Variants in MAN1A1 observed in about 807,000 individuals in gnomAD.
MAN1A1 encodes mannosidase alpha class 1A member 1.
In MAN1A1, 29 loss-of-function variants were observed where a neutral mutation model predicts 70.8. The ratio of observed to expected loss-of-function variants is 0.41; its 90% CI spans 0.31 to 0.56. The LOEUF (loss-of-function observed/expected upper bound fraction) is 0.56. MAN1A1 is among the 20% of genes least tolerant of loss of function. MAN1A1 has a pLI of 0.29. For missense variants in MAN1A1, 747 were observed against 841.3 expected (o/e 0.89, Z 1.39); for synonymous variants, 349 against 330.1 (o/e 1.06, Z -0.62).
intron 11 of MAN1A1, among the ~76,000 whole-genome samples, chr6:119,187,287 A>T (rs1307198570): frequency 6.6e-6 from 1 of 152,236 alleles, no homozygotes; most frequent in African/African-American, 2.4e-5. Flanking sequence ...AAAATATTCA[A>T]TTCATTTGCT....
At chr6:119,265,093 CT>C (rs1018859486) in intron 5 of MAN1A1, among the ~76,000 whole-genome samples, 5 of 106,918 alleles carry the variant, frequency 4.7e-5, no homozygotes, top group South Asian at 6.3e-4. Flanking sequence ...TTTTAAGTGC[CT>C]TTTTTAAATT....
intron 6 of MAN1A1, among the ~76,000 whole-genome samples, chr6:119,216,596 T>G (rs1218758172): frequency 6.6e-6 from 1 of 152,214 alleles, no homozygotes; most frequent in Non-Finnish European, 1.5e-5. Context: ...CACCCACAAT[T>G]ACAAGGAAAA....
At chr6:119,339,092 T>C (rs1582816746) in intron 2 of MAN1A1, among the ~76,000 whole-genome samples, 1 of 152,282 alleles carries the variant, frequency 6.6e-6, no homozygotes, top group East Asian at 1.9e-4. Context: ...GGAGAAAGTG[T>C]TGATCAAAGA....
chr6:119,336,273 T>C (rs531787330), intron 2 of MAN1A1, among the ~76,000 whole-genome samples: 3 of 152,192 alleles, frequency 2.0e-5, no homozygotes, highest in African/African-American at 7.2e-5. Flanking sequence ...TTTTACCACG[T>C]TGGCCAGGCT....
At chr6:119,258,677 A>T (rs1388652707) in intron 5 of MAN1A1, among the ~76,000 whole-genome samples, 1 of 152,134 alleles carries the variant, frequency 6.6e-6, no homozygotes, top group Non-Finnish European at 1.5e-5. Flanking sequence ...ACACTAGTGA[A>T]TTTTTTTCCT....
chr6:119,322,666 G>A (rs577310817), intron 2 of MAN1A1, among the ~76,000 whole-genome samples: 2 of 152,252 alleles, frequency 1.3e-5, no homozygotes, highest in East Asian at 3.9e-4. Flanking sequence ...CTCTTCCCCA[G>A]TGTTTAATCC....
At chr6:119,223,405 G>C (rs910061415) in intron 6 of MAN1A1, among the ~76,000 whole-genome samples, 1 of 151,822 alleles carries the variant, frequency 6.6e-6, no homozygotes, top group East Asian at 1.9e-4. Flanking sequence ...AAAGTTATTT[G>C]ACTTAAAAAA....
chr6:119,234,758 A>G (rs1423524045), intron 6 of MAN1A1, among the ~76,000 whole-genome samples: 1 of 152,180 alleles, frequency 6.6e-6, no homozygotes, highest in Non-Finnish European at 1.5e-5. Context: ...AAAAATTTAC[A>G]TACGGGGATA....
At chr6:119,200,401 T>C (rs1380997401) in intron 8 of MAN1A1, among the ~76,000 whole-genome samples, 5 of 152,184 alleles carry the variant, frequency 3.3e-5, no homozygotes, top group Non-Finnish European at 5.9e-5. Flanking sequence ...TTTTAGCATA[T>C]GGATTTTGGC....
Position 119,285,422 on chromosome 6 carries a change from G to A in MAN1A1, c.897+5261C>T, listed in dbSNP as rs531955079. On this transcript the variant is annotated intron_variant, in intron 5 of 12. Coordinates refer to ENST00000368468, the MANE Select transcript of MAN1A1 (RefSeq NM_005907.4). ...ATGAGACCCCATCTTTAACATTGGG[G>A]ATCACATTTCAATATGAGATTTGGA... Among the ~76,000 whole-genome samples the A allele has an allele frequency of 6.8e-4, 104 of 152,176 alleles. 1 individual carries two copies. Among genetic ancestry groups the A allele is most frequent in the Non-Finnish European group, 7.2e-4 (49 of 67,992 alleles).
chr6:119,202,582 C>T (rs1023650478), intron 7 of MAN1A1, among the ~76,000 whole-genome samples: 1 of 152,138 alleles, frequency 6.6e-6, no homozygotes, highest in Non-Finnish European at 1.5e-5. Context: ...ATTATATGTG[C>T]TATACTTTTA....
chr6:119,290,665 TACC>T lies in MAN1A1; in HGVS notation c.897+15_897+17del, dbSNP rs756610727. On this transcript the variant is annotated intron_variant, in intron 5 of 12. Transcript: ENST00000368468. ...AGACACTTTATAATTCACATTTATA[TACC>T]ACTTTTCATCTTACCTCTTCTCCAG... 21 of 1,577,828 alleles carry T rather than the reference TACC, an allele frequency of 1.3e-5. 1 individual carries two copies. The South Asian group carries it at 2.3e-4, about 17-fold the overall frequency.
chr6:119,332,960 G>C (rs1037160350), intron 2 of MAN1A1, among the ~76,000 whole-genome samples: 6 of 152,040 alleles, frequency 3.9e-5, no homozygotes, highest in African/African-American at 1.4e-4. Flanking sequence ...GTGTGCCCCC[G>C]GGGTTTGTGA....
At chr6:119,285,883 A>G (rs1175917930) in intron 5 of MAN1A1, among the ~76,000 whole-genome samples, 1 of 152,086 alleles carries the variant, frequency 6.6e-6, no homozygotes, top group African/African-American at 2.4e-5. Flanking sequence ...GGGTTATTTT[A>G]TGGTATCAAA....
intron 7 of MAN1A1, among the ~76,000 whole-genome samples, chr6:119,203,773 G>A (rs1470472367): frequency 2.0e-5 from 3 of 152,110 alleles, no homozygotes; most frequent in Non-Finnish European, 4.4e-5. Flanking sequence ...TTAAGTCCGA[G>A]GCATTTTAAG....
chr6:119,214,814 T>C (rs1411039748), intron 6 of MAN1A1, among the ~76,000 whole-genome samples: 1 of 152,188 alleles, frequency 6.6e-6, no homozygotes, highest in African/African-American at 2.4e-5. Context: ...CCCACTACAG[T>C]ATTTTGAAAC....
intron 6 of MAN1A1, among the ~76,000 whole-genome samples, chr6:119,221,471 T>A (rs1027064560): frequency 1.7e-4 from 22 of 130,852 alleles, no homozygotes; most frequent in African/African-American, 5.9e-4. Flanking sequence ...CATTTTCTTT[T>A]CTTTTTTTTT....
intron 5 of MAN1A1, among the ~76,000 whole-genome samples, chr6:119,250,358 C>T (rs1272069303): frequency 1.3e-5 from 2 of 152,240 alleles, no homozygotes; most frequent in African/African-American, 4.8e-5. Context: ...GCTTGAATCT[C>T]AGCTCAGCTT....
chr6:119,264,475 C>T (rs937596708), intron 5 of MAN1A1, among the ~76,000 whole-genome samples: 1 of 152,188 alleles, frequency 6.6e-6, no homozygotes, highest in Admixed American at 6.5e-5. Flanking sequence ...CCTGAATGTG[C>T]AGTTTAACAA....
Sources: gnomAD v4.1 joint callset for allele counts (sites outside exome capture counted in the v4.1 genomes callset) on GRCh38, gnomAD v4.1.1 for gene constraint, MANE v1.5 for transcripts, NCBI Gene and HGNC (gene_info 2026-07-23, HGNC 2026-07-21) for gene names.